The following GJC1 variants were observed in gnomAD, a reference collection of about 807,000 sequenced individuals.
GJC1 encodes gap junction protein gamma 1.
A neutral mutation model predicts 29.3 loss-of-function variants in GJC1; 5 were observed. The observed-to-expected ratio is 0.17, with a 90% CI of 0.09 to 0.36. The LOEUF (loss-of-function observed/expected upper bound fraction) is 0.36. Among genes scored for constraint, GJC1 ranks in the 10% least tolerant of loss-of-function variants. GJC1 has a pLI of 1.00. For synonymous variants in GJC1, 177 were observed against 183.3 expected (o/e 0.97, Z 0.28); for missense variants, 310 against 496.2 (o/e 0.62, Z 3.56).
Position 44,805,683 on chromosome 17 carries a change from G to A in GJC1, c.135C>T (p.Tyr45=), listed in dbSNP as rs767903480. ...LTAVGGESIY[Y]DEQSKFVCNT... ...TGCACACAAATTTGCTTTGCTCATC[G>A]TAATAGATGGATTCTCCTCCTACAG... is the stretch of plus-strand genomic sequence containing the variant. Residue 45 remains tyrosine (Y), a synonymous_variant, in exon 3 of 3, where the codon TAC becomes TAT. Transcript: ENST00000592524. The surrounding 1 kb of genome is among the most constrained non-coding windows in gnomAD (Gnocchi z 5.1). The A allele has an allele frequency of 1.5e-5, 25 of 1,613,928 alleles. No homozygotes were observed. Among genetic ancestry groups the A allele is most frequent in the South Asian group, 7.7e-5 (7 of 91,084 alleles).
chr17:44,806,997 A>G (rs1276615023), intron 2 of GJC1, among the ~76,000 whole-genome samples: 1 of 152,220 alleles, frequency 6.6e-6, no homozygotes, highest in Admixed American at 6.5e-5. Flanking sequence ...TGCATCGCAT[A>G]CCAGATTTTG....
At chr17:44,806,632 G>A (rs1470249517) in intron 2 of GJC1, among the ~76,000 whole-genome samples, 2 of 151,852 alleles carry the variant, frequency 1.3e-5, no homozygotes, top group Non-Finnish European at 2.9e-5. Flanking sequence ...CAGGTGATCC[G>A]CCTGCCTTGG....
downstream of GJC1, among the ~76,000 whole-genome samples, chr17:44,798,219 T>A (rs1469212690): frequency 6.6e-6 from 1 of 152,216 alleles, no homozygotes; most frequent in Non-Finnish European, 1.5e-5. Flanking sequence ...AAAGGCATCT[T>A]TTAAGCCCAA....
intron 1 of GJC1, among the ~76,000 whole-genome samples, chr17:44,818,141 A>G (rs1026437755): frequency 6.6e-6 from 1 of 152,102 alleles, no homozygotes; most frequent in Non-Finnish European, 1.5e-5. Context: ...TGAACCCAGG[A>G]GGCAGAGGTT....
At chr17:44,831,009 G>A (rs2050226370), upstream of GJC1, among the ~76,000 whole-genome samples, 1 of 152,212 alleles carries the variant, frequency 6.6e-6, no homozygotes, top group African/African-American at 2.4e-5. Context: ...GTAAGACTTT[G>A]GGTAATAAAG....
intron 1 of GJC1, among the ~76,000 whole-genome samples, chr17:44,824,099 C>T (rs2050142996): frequency 6.6e-6 from 1 of 152,054 alleles, no homozygotes; most frequent in African/African-American, 2.4e-5. Context: ...CCTCCACCTC[C>T]CGGGTTCAAG....
At chr17:44,813,592 A>G (rs1010779313) in intron 1 of GJC1, among the ~76,000 whole-genome samples, 3 of 147,730 alleles carry the variant, frequency 2.0e-5, no homozygotes, top group Non-Finnish European at 4.5e-5. Flanking sequence ...TCCCGGGTTC[A>G]AGCAATTCTC....
intron 1 of GJC1, among the ~76,000 whole-genome samples, chr17:44,809,121 C>A (rs141491979): frequency 6.6e-6 from 1 of 152,068 alleles, no homozygotes; most frequent in East Asian, 1.9e-4. Flanking sequence ...TCCAGCTGGG[C>A]ATGGTGGCTC....
intron 1 of GJC1, among the ~76,000 whole-genome samples, chr17:44,808,890 C>A (rs2049942884): frequency 1.3e-5 from 2 of 152,114 alleles, no homozygotes; most frequent in Non-Finnish European, 2.9e-5. Context: ...CCAGCCAGAC[C>A]AACATGGACT....
At chr17:44,818,743 C>A (rs748830448) in intron 1 of GJC1, among the ~76,000 whole-genome samples, 1 of 151,536 alleles carries the variant, frequency 6.6e-6, no homozygotes, top group African/African-American at 2.4e-5. Flanking sequence ...TGCAGTGAGC[C>A]GAGATTGTAC....
At chr17:44,830,787 A>G, upstream of GJC1, 3 of 398,426 alleles carry the variant, frequency 7.5e-6, no homozygotes, top group Non-Finnish European at 8.9e-6. This position sits in a 1 kb window ranked among gnomAD's most constrained non-coding sequence, Gnocchi z 4.3. Flanking sequence ...GCGTGGATCT[A>G]GCTAGAGTCG....
chr17:44,818,074 G>A (rs187534421), intron 1 of GJC1, among the ~76,000 whole-genome samples: 127 of 152,056 alleles, frequency 8.4e-4, no homozygotes, highest in Middle Eastern at 3.4e-3. Context: ...TTAGCCAGGC[G>A]TGGTGGTGGG....
In GJC1 at chr17:44,803,674, C is replaced by A. The variant is rs2049878947; in HGVS notation, c.*953G>T. On this transcript the variant is annotated 3_prime_UTR_variant, in exon 3 of 3. Coordinates refer to ENST00000592524, the MANE Select transcript of GJC1 (RefSeq NM_005497.4). Reference sequence around the variant, plus strand: ...AAATATCCACCACTGGCTTCTTAACCAGACGGAAGCGGGCAGGTTTCTGGA... The same window carrying A: ...AAATATCCACCACTGGCTTCTTAACAAGACGGAAGCGGGCAGGTTTCTGGA... 1 of 152,168 alleles carries A rather than the reference C, an allele frequency of 6.6e-6. No individual in the cohort carries two copies. Among genetic ancestry groups the A allele is most frequent in the African/African-American group, 2.4e-5 (1 of 41,438 alleles). The allele number at this position is 152,168 out of a possible 1,614,324, so 9.4% of individuals were successfully genotyped here. A position where few individuals can be genotyped will look rare whatever the true frequency, so the allele number is the denominator to read the frequency against.
intron 1 of GJC1, among the ~76,000 whole-genome samples, chr17:44,827,717 G>A (rs2050191473): frequency 6.6e-6 from 1 of 152,110 alleles, no homozygotes; most frequent in African/African-American, 2.4e-5. Flanking sequence ...AGGATCACAA[G>A]GTCAGGAGAT....
chr17:44,819,893 C>T (rs1203911022), intron 1 of GJC1, among the ~76,000 whole-genome samples: 5 of 151,698 alleles, frequency 3.3e-5, no homozygotes, highest in African/African-American at 4.8e-5. Context: ...AATCTTGCCT[C>T]GTCACCCAGG....
At chr17:44,815,537 C>A (rs1028428572) in intron 1 of GJC1, among the ~76,000 whole-genome samples, 16 of 152,126 alleles carry the variant, frequency 1.1e-4, no homozygotes, top group African/African-American at 3.9e-4. Flanking sequence ...TTCACCTCCA[C>A]CTCTTCAGCA....
At chr17:44,822,630 C>T (rs1223092443) in intron 1 of GJC1, among the ~76,000 whole-genome samples, 1 of 100,962 alleles carries the variant, frequency 9.9e-6, no homozygotes, top group Non-Finnish European at 1.8e-5. Flanking sequence ...GCAACAAGAG[C>T]GAAACTCCAT....
At chr17:44,809,996 C>T (rs1425519089) in intron 1 of GJC1, among the ~76,000 whole-genome samples, 1 of 151,854 alleles carries the variant, frequency 6.6e-6, no homozygotes, top group East Asian at 1.9e-4. Flanking sequence ...GCAGCTGGGA[C>T]AACAGGCACC....
At chr17:44,807,815 G>A (rs1402373516) in intron 1 of GJC1, 3 of 152,110 alleles carry the variant, frequency 2.0e-5, no homozygotes, top group African/African-American at 7.2e-5. Flanking sequence ...GGTCACTAAA[G>A]GCCTTGCAAA....
Sources: gnomAD v4.1 joint callset for allele counts (sites outside exome capture counted in the v4.1 genomes callset) on GRCh38, gnomAD v4.1.1 for gene constraint, Gnocchi (gnomAD v3.1) non-coding constraint, MANE v1.5 for transcripts, NCBI Gene and HGNC (gene_info 2026-07-23, HGNC 2026-07-21) for gene names.